PRKG1: variants seen among roughly 807,000 people sequenced by gnomAD.
PRKG1 encodes protein kinase cGMP-dependent 1.
In PRKG1, 35 loss-of-function variants were observed where a neutral mutation model predicts 88.1. That is an observed-to-expected ratio of 0.40 (90% confidence interval 0.30 to 0.53). The LOEUF (loss-of-function observed/expected upper bound fraction) is 0.53, where lower values mean the gene tolerates loss of function less well. PRKG1 is among the 20% of genes least tolerant of loss of function. The pLI is 0.59. For missense variants in PRKG1, 540 were observed against 839.8 expected (o/e 0.64, Z 4.41); for synonymous variants, 303 against 292.5 (o/e 1.04, Z -0.37).
chr10:52,164,380 A>G (rs1838373259), intron 9 of PRKG1, among the ~76,000 whole-genome samples: 1 of 151,808 alleles, frequency 6.6e-6, no homozygotes, highest in Non-Finnish European at 1.5e-5. Flanking sequence ...AAATAAATAA[A>G]TAAATAAATA....
chr10:51,780,041 C>T (rs371609929), intron 3 of PRKG1, among the ~76,000 whole-genome samples: 7 of 152,196 alleles, frequency 4.6e-5, no homozygotes, highest in African/African-American at 1.7e-4. Flanking sequence ...TTGATTTAGC[C>T]TGAATCTCCC....
intron 8 of PRKG1, among the ~76,000 whole-genome samples, chr10:52,144,581 C>T (rs1411711503): frequency 6.6e-6 from 1 of 152,098 alleles, no homozygotes; most frequent in Non-Finnish European, 1.5e-5. Flanking sequence ...GAGGCCAAGG[C>T]AGGTGGATCA....
At chr10:51,094,430 A>G (rs10822198) in intron 1 of PRKG1, among the ~76,000 whole-genome samples, 34,034 of 151,984 alleles carry the variant, frequency 0.22, 3,966 homozygotes, top group Admixed American at 0.27. Flanking sequence ...GTTTTGAGCT[A>G]TGAATATAAG....
chr10:51,571,842 G>A (rs2132169330), intron 3 of PRKG1, among the ~76,000 whole-genome samples: 1 of 151,894 alleles, frequency 6.6e-6, no homozygotes, highest in Non-Finnish European at 1.5e-5. Flanking sequence ...ATATTATTGT[G>A]GAGAATTCAC....
chr10:51,048,423 A>G (rs1341580385), intron 1 of PRKG1, among the ~76,000 whole-genome samples: 3 of 152,206 alleles, frequency 2.0e-5, no homozygotes, highest in Admixed American at 1.3e-4. Context: ...TATAACAATA[A>G]TAAAGTAACC....
intron 3 of PRKG1, chr10:51,699,585 T>A (rs1841408655): frequency 1.3e-6 from 2 of 1,577,288 alleles, no homozygotes; most frequent in African/African-American, 2.7e-5. Flanking sequence ...AGCGGATTCT[T>A]CGAGGCGTCT....
chr10:51,207,393 A>T (rs2132066400), intron 2 of PRKG1, among the ~76,000 whole-genome samples: 1 of 152,288 alleles, frequency 6.6e-6, no homozygotes, highest in South Asian at 2.1e-4. Context: ...AAAAGACGAG[A>T]GTGTCTAAGT....
intron 5 of PRKG1, among the ~76,000 whole-genome samples, chr10:51,917,778 C>T (rs1044838249): frequency 6.6e-6 from 1 of 152,138 alleles, no homozygotes; most frequent in Non-Finnish European, 1.5e-5. Context: ...CAACAAAGAT[C>T]TTCCTAGTTC....
chr10:51,849,448 C>T (rs1474727128), intron 4 of PRKG1, among the ~76,000 whole-genome samples: 4 of 152,108 alleles, frequency 2.6e-5, no homozygotes, highest in Admixed American at 1.3e-4. Flanking sequence ...TATCTTGATT[C>T]GCTGCAAAGT....
chr10:51,654,915 G>A (rs1237930523), intron 3 of PRKG1, among the ~76,000 whole-genome samples: 1 of 152,136 alleles, frequency 6.6e-6, no homozygotes, highest in African/African-American at 2.4e-5. Flanking sequence ...CTTCTTGTTA[G>A]AAACAAAACA....
At chr10:51,762,895 C>T (rs1354838052) in intron 3 of PRKG1, among the ~76,000 whole-genome samples, 3 of 152,070 alleles carry the variant, frequency 2.0e-5, no homozygotes, top group African/African-American at 7.2e-5. Flanking sequence ...TGTGTATTTC[C>T]GTTGTATTTT....
chr10:51,586,745 C>A (rs1236693202), intron 3 of PRKG1, among the ~76,000 whole-genome samples: 1 of 151,918 alleles, frequency 6.6e-6, no homozygotes, highest in Non-Finnish European at 1.5e-5. Context: ...TGTCTGATAC[C>A]CAAATTATGT....
chr10:52,100,551 C>A lies in PRKG1; in HGVS notation c.936-33289C>A, dbSNP rs193172390. On this transcript the variant is annotated intron_variant, in intron 7 of 17. Coordinates refer to ENST00000373980, the MANE Select transcript of PRKG1 (RefSeq NM_006258.4). ...TGATCCTAATTCAGCTAAGATGAGC[C>A]CAGCCCCTGAGGATCCCTATTGATG... Among the ~76,000 whole-genome samples, 995 of 152,282 alleles carry A rather than the reference C, an allele frequency of 6.5e-3. 8 individuals carry two copies. The highest frequency in any genetic ancestry group is 0.022 in the African/African-American group (917 of 41,554).
chr10:51,603,768 G>T (rs1406664416), intron 3 of PRKG1, among the ~76,000 whole-genome samples: 4 of 152,192 alleles, frequency 2.6e-5, no homozygotes, highest in Non-Finnish European at 5.9e-5. Flanking sequence ...GTTAATTTCA[G>T]ACTGTGACCA....
At chr10:51,266,330 G>C (rs1564661555) in intron 2 of PRKG1, among the ~76,000 whole-genome samples, 1 of 152,124 alleles carries the variant, frequency 6.6e-6, no homozygotes, top group East Asian at 1.9e-4. Context: ...GAAAGGAGTA[G>C]CAACAGACTA....
chr10:51,301,145 C>A (rs16916483), intron 2 of PRKG1, among the ~76,000 whole-genome samples: 14,633 of 152,144 alleles, frequency 0.096, 903 homozygotes, highest in Admixed American at 0.2. Flanking sequence ...GTGAAAGAAA[C>A]TGGCCGTCCA....
chr10:51,332,895 G>C (rs1365944939), intron 2 of PRKG1, among the ~76,000 whole-genome samples: 1 of 152,184 alleles, frequency 6.6e-6, no homozygotes, highest in Non-Finnish European at 1.5e-5. Context: ...GAGTAGAACA[G>C]GGATCAGTAA....
chr10:51,978,397 T>A (rs1843903362), intron 5 of PRKG1, among the ~76,000 whole-genome samples: 1 of 151,570 alleles, frequency 6.6e-6, no homozygotes, highest in South Asian at 2.1e-4. Context: ...GCTTCCAGCT[T>A]TGTTCTATTT....
chr10:51,093,801 TACAC>T (rs57772981), intron 1 of PRKG1, among the ~76,000 whole-genome samples: 10,132 of 127,508 alleles, frequency 0.079, 1,081 homozygotes, highest in African/African-American at 0.24. Context: ...TATATATATA[TACAC>T]ACACACACAC....
Sources: allele counts gnomAD v4.1 joint callset (sites outside exome capture counted in the v4.1 genomes callset), GRCh38; gene constraint gnomAD v4.1.1; transcripts MANE v1.5; gene names NCBI Gene and HGNC (gene_info 2026-07-23, HGNC 2026-07-21).